SPIRE1: variants seen among roughly 807,000 people sequenced by gnomAD.
SPIRE1 encodes protein spire homolog 1.
SPIRE1 carries 40 observed loss-of-function variants against 94.1 expected under a neutral mutation model. The ratio of observed to expected loss-of-function variants is 0.43; its 90% CI spans 0.33 to 0.55. SPIRE1 has a LOEUF of 0.55. Ranked by LOEUF, SPIRE1 falls within the 20% of genes least tolerant of loss-of-function variation. The pLI is 0.06. For missense variants in SPIRE1, 838 were observed against 975.2 expected, an observed-to-expected ratio of 0.86 and a Z score of 1.87; for synonymous variants, 376 against 371.7, an observed-to-expected ratio of 1.01 and a Z score of -0.13.
rs2035625089 is a variant in SPIRE1, at chr18:12,559,538, G to A, written c.373-12634C>T. Among the ~76,000 whole-genome samples the A allele has an allele frequency of 1.3e-5, 2 of 152,228 alleles. No individual in the cohort carries two copies. The highest frequency in any genetic ancestry group is 4.8e-5 in the African/African-American group (2 of 41,464). On this transcript the variant is annotated intron_variant, in intron 2 of 16. Transcript: ENST00000409402. This position sits in a 1 kb window ranked among gnomAD's most constrained non-coding sequence, Gnocchi z 4.7. The stretch of plus-strand genomic sequence containing the variant: ...GCCAGCCCAGAGAGGGGCTCCCACG[G>A]TGCAGCAGCAGGCTGAAGGGCTCCT...
chr18:12,520,597 C>A (rs905359180), intron 4 of SPIRE1, among the ~76,000 whole-genome samples: 2 of 152,120 alleles, frequency 1.3e-5, no homozygotes, highest in African/African-American at 4.8e-5. Flanking sequence ...CAGACAGCAG[C>A]AAGGACCCTA....
At position 12,535,647 on chromosome 18, in the gene SPIRE1, GT is replaced by G. The variant is rs566959039; in HGVS notation, c.604-47del. 971 of 1,570,486 alleles carry G rather than the reference GT, an allele frequency of 6.2e-4. 6 individuals are homozygous for G. The highest frequency in any genetic ancestry group is 6.1e-3 in the South Asian group (542 of 89,106). On this transcript the variant is annotated intron_variant, in intron 3 of 16. Coordinates refer to ENST00000409402, the MANE Select transcript of SPIRE1 (RefSeq NM_001128626.2). ...ATAATGGTGCTTGGTTACTATTTGG[GT>G]TTTTTTTGTACTTAAAAACAGACAC...
intron 4 of SPIRE1, among the ~76,000 whole-genome samples, chr18:12,525,296 A>AAAAAAAAAT (rs1555619713): frequency 2.5e-5 from 3 of 120,170 alleles, no homozygotes; most frequent in African/African-American, 1.0e-4. Flanking sequence ...AAAAAAAAAA[A>AAAAAAAAAT]AATAATAATA....
At chr18:12,505,687 C>T (rs1392051937) in intron 6 of SPIRE1, among the ~76,000 whole-genome samples, 1 of 152,108 alleles carries the variant, frequency 6.6e-6, no homozygotes, top group African/African-American at 2.4e-5. Flanking sequence ...TTAAGGATTT[C>T]ATGGTGGACA....
chr18:12,468,912 A>T (rs1374220682), intron 10 of SPIRE1, among the ~76,000 whole-genome samples: 1 of 152,052 alleles, frequency 6.6e-6, no homozygotes, highest in Non-Finnish European at 1.5e-5. Flanking sequence ...TAATAAGAAA[A>T]TAATAGCCAG....
chr18:12,516,974 A>G (rs2034215025), intron 4 of SPIRE1, among the ~76,000 whole-genome samples: 1 of 152,218 alleles, frequency 6.6e-6, no homozygotes, highest in Non-Finnish European at 1.5e-5. Flanking sequence ...TGGTCCAAGA[A>G]TTTCACATTT....
intron 2 of SPIRE1, among the ~76,000 whole-genome samples, chr18:12,585,443 G>A (rs2144558146): frequency 6.6e-6 from 1 of 152,292 alleles, no homozygotes. Context: ...GGCAGTCTCT[G>A]AAATCAGCTG....
rs2031083166 is a variant in SPIRE1, at chr18:12,448,976, C to T, written c.*662G>A. On this transcript the variant is annotated 3_prime_UTR_variant, in exon 17 of 17. Coordinates refer to ENST00000409402, the MANE Select transcript of SPIRE1 (RefSeq NM_001128626.2). This position sits in a 1 kb window ranked among gnomAD's most constrained non-coding sequence, Gnocchi z 4.4. ...TGTCATCCACTCAGGAGACACTGAA[C>T]CAGGGCACTGGGACAACACGGCCAC... 1 of 152,730 alleles carries T rather than the reference C, an allele frequency of 6.5e-6. No homozygotes were observed. Among genetic ancestry groups the T allele is most frequent in the Admixed American group, 6.5e-5 (1 of 15,290 alleles). 9.5% of individuals were successfully genotyped at this position (152,730 alleles called of 1,614,324 possible). A position where few individuals can be genotyped will look rare whatever the true frequency, so the allele number is the denominator to read the frequency against.
chr18:12,596,885 T>C (rs1318308485), intron 2 of SPIRE1, among the ~76,000 whole-genome samples: 1 of 146,102 alleles, frequency 6.8e-6, no homozygotes, highest in Non-Finnish European at 1.5e-5. Flanking sequence ...CCCTGCACTG[T>C]CCTGCTAACC....
Position 12,558,262 on chromosome 18 carries a change from T to C in SPIRE1, c.373-11358A>G, listed in dbSNP as rs187135042. ...CTTCAGGAGTGAAGCTGCAGACCTTTGCGGTGAGTGTTACAGTTCTTAAAA... is the reference window on the plus strand; with the variant it reads ...CTTCAGGAGTGAAGCTGCAGACCTTCGCGGTGAGTGTTACAGTTCTTAAAA... On this transcript the variant is annotated intron_variant, in intron 2 of 16. Coordinates refer to ENST00000409402, the MANE Select transcript of SPIRE1 (RefSeq NM_001128626.2). Among the ~76,000 whole-genome samples the C allele has an allele frequency of 4.7e-3, 719 of 152,214 alleles. 7 individuals are homozygous for C. The highest frequency in any genetic ancestry group is 0.015 in the African/African-American group (643 of 41,534).
chr18:12,562,587 A>T (rs1351639606), intron 2 of SPIRE1, among the ~76,000 whole-genome samples: 2 of 151,900 alleles, frequency 1.3e-5, no homozygotes, highest in Non-Finnish European at 2.9e-5. Context: ...TGCTGCACCC[A>T]TCAACCCATT....
At chr18:12,507,677 C>T (rs1037244369) in intron 5 of SPIRE1, among the ~76,000 whole-genome samples, 4 of 150,572 alleles carry the variant, frequency 2.7e-5, no homozygotes, top group Non-Finnish European at 4.4e-5. Flanking sequence ...CCAGCTTGGG[C>T]GACACAGTGA....
intron 3 of SPIRE1, among the ~76,000 whole-genome samples, chr18:12,544,161 A>C (rs1264781532): frequency 1.3e-5 from 2 of 151,260 alleles, no homozygotes; most frequent in Non-Finnish European, 3.0e-5. Context: ...TTTTCCTTCA[A>C]TCTATAAAAC....
At chr18:12,529,708 T>C (rs536637665) in intron 4 of SPIRE1, among the ~76,000 whole-genome samples, 7 of 152,138 alleles carry the variant, frequency 4.6e-5, no homozygotes, top group African/African-American at 1.7e-4. Context: ...CTACCTTAAT[T>C]TGGGTGATGT....
At chr18:12,605,129 A>G (rs933923308) in intron 2 of SPIRE1, among the ~76,000 whole-genome samples, 8 of 152,218 alleles carry the variant, frequency 5.3e-5, no homozygotes, top group African/African-American at 1.9e-4. Context: ...AGTTTTGCAA[A>G]ATGAAAAGGT....
chr18:12,575,063 T>C (rs1567943976), intron 2 of SPIRE1, among the ~76,000 whole-genome samples: 2 of 152,068 alleles, frequency 1.3e-5, no homozygotes, highest in Non-Finnish European at 1.5e-5. Flanking sequence ...TACATGTTAG[T>C]AGCTGGAGAT....
chr18:12,510,817 G>A (rs1267944823), intron 5 of SPIRE1, among the ~76,000 whole-genome samples: 1 of 152,150 alleles, frequency 6.6e-6, no homozygotes, highest in African/African-American at 2.4e-5. Flanking sequence ...TGGGATTACA[G>A]GTGTGAGCCA....
At chr18:12,640,640 T>C (rs1370863667) in intron 1 of SPIRE1, among the ~76,000 whole-genome samples, 1 of 152,090 alleles carries the variant, frequency 6.6e-6, no homozygotes, top group South Asian at 2.1e-4. Flanking sequence ...CCATCTGGGG[T>C]GGTCAGGTAA....
intron 2 of SPIRE1, among the ~76,000 whole-genome samples, chr18:12,555,319 A>T (rs966702089): frequency 1.6e-3 from 225 of 144,294 alleles, no homozygotes; most frequent in African/African-American, 3.7e-3. Flanking sequence ...AAAAAAAAAA[A>T]TTTTTTTTTG....
Sources: gnomAD v4.1 joint callset for allele counts (sites outside exome capture counted in the v4.1 genomes callset) on GRCh38, gnomAD v4.1.1 for gene constraint, Gnocchi (gnomAD v3.1) non-coding constraint, MANE v1.5 for transcripts, NCBI Gene and HGNC (gene_info 2026-07-23, HGNC 2026-07-21) for gene names.